ABLIM1: variants seen among roughly 807,000 people sequenced by gnomAD.
ABLIM1 encodes actin binding LIM protein 1, also known as actin-binding LIM protein 1.
A neutral mutation model predicts 107.0 loss-of-function variants in ABLIM1; 40 were observed. The observed-to-expected ratio is 0.37, with a 90% CI of 0.29 to 0.49. The LOEUF is 0.49. Ranked by LOEUF, ABLIM1 falls within the 20% of genes least tolerant of loss-of-function variation. ABLIM1 has a pLI of 0.97. For synonymous variants in ABLIM1, 357 were observed against 357.3 expected (o/e 1.00, Z 0.01); for missense variants, 857 against 1,008.5 (o/e 0.85, Z 2.04).
At chr10:114,556,751 C>T (rs1394762117) in intron 4 of ABLIM1, among the ~76,000 whole-genome samples, 2 of 152,058 alleles carry the variant, frequency 1.3e-5, no homozygotes, top group Non-Finnish European at 2.9e-5. Flanking sequence ...TCAATGTTGC[C>T]AGGTCCCAAA....
chr10:114,446,949 A>AT (rs2061107950), intron 15 of ABLIM1, among the ~76,000 whole-genome samples: 1 of 152,222 alleles, frequency 6.6e-6, no homozygotes, highest in East Asian at 1.9e-4. Flanking sequence ...TAGGAGGTAG[A>AT]TTTTTCCTTA....
chr10:114,693,988 G>A (rs2081143589), intron 1 of ABLIM1, among the ~76,000 whole-genome samples: 1 of 152,044 alleles, frequency 6.6e-6, no homozygotes, highest in Admixed American at 6.5e-5. Context: ...TAAAGTACTA[G>A]ACACAGAGGC....
intron 6 of ABLIM1, among the ~76,000 whole-genome samples, chr10:114,537,348 C>G (rs966132948): frequency 2.0e-4 from 30 of 152,184 alleles, no homozygotes; most frequent in Non-Finnish European, 3.8e-4. Flanking sequence ...GTCAGGGTAT[C>G]TGGAGTATTT....
intron 8 of ABLIM1, among the ~76,000 whole-genome samples, chr10:114,479,461 T>C (rs1416418429): frequency 6.6e-6 from 1 of 152,196 alleles, no homozygotes; most frequent in Admixed American, 6.5e-5. Context: ...AGCTGACAGA[T>C]AGCCTTCCCC....
At chr10:114,450,152 G>A in intron 14 of ABLIM1, 2 of 355,306 alleles carry the variant, frequency 5.6e-6, no homozygotes, top group Middle Eastern at 3.8e-4. Context: ...CATTAGAATT[G>A]GTGAAGTCAG....
chr10:114,468,209 C>A lies in ABLIM1; in HGVS notation c.1283G>T (p.Arg428Met). 6.2e-7 allele frequency: 1 copy of A among 1,612,798 alleles called. No homozygotes were observed. Among genetic ancestry groups the A allele is most frequent in the Non-Finnish European group, 8.5e-7 (1 of 1,178,804 alleles). ...QERQSLGESP[R>M]TLSPTPSAEG... The stretch of plus-strand genomic sequence containing the variant: ...TGCTGATGGAGTAGGAGACAAAGTC[C>A]TCGGAGACTAGAAAAATAAAAGAGA... The change falls in exon 11 of 23, where the codon AGG (arginine) becomes ATG (methionine). Residue 428 changes from arginine to methionine, a missense_variant. By Grantham distance (91) the Arg-to-Met change is moderately conservative (BLOSUM62 -1). Coordinates refer to ENST00000533213, the MANE Select transcript of ABLIM1 (RefSeq NM_002313.7).
intron 1 of ABLIM1, among the ~76,000 whole-genome samples, chr10:114,651,163 G>C (rs1006869677): frequency 2.0e-5 from 3 of 152,098 alleles, no homozygotes; most frequent in Non-Finnish European, 4.4e-5. Flanking sequence ...TGTATTCTTC[G>C]AACATAGTGA....
At chr10:114,643,919 C>T (rs764317251) in intron 1 of ABLIM1, among the ~76,000 whole-genome samples, 23 of 151,958 alleles carry the variant, frequency 1.5e-4, no homozygotes, top group Non-Finnish European at 2.4e-4. Flanking sequence ...GTTTCTAATT[C>T]ATTAACATTT....
At chr10:114,776,339 G>C in the ABLIM1 span, among the ~76,000 whole-genome samples, 1 of 152,184 alleles carries the variant, frequency 6.6e-6, no homozygotes, top group Non-Finnish European at 1.5e-5. Context: ...TTTGGGCCGG[G>C]CGTGGTGGCT....
At chr10:114,751,175 A>C (rs2082502409) in intron 1 of ABLIM1, among the ~76,000 whole-genome samples, 1 of 152,200 alleles carries the variant, frequency 6.6e-6, no homozygotes, top group Non-Finnish European at 1.5e-5. Flanking sequence ...AACATTGGGG[A>C]GTTGTTTGTA....
intron 6 of ABLIM1, among the ~76,000 whole-genome samples, chr10:114,522,302 C>T (rs2063865287): frequency 6.6e-6 from 1 of 152,126 alleles, no homozygotes; most frequent in Non-Finnish European, 1.5e-5. Context: ...CCTGGCAATC[C>T]ACCCCACCCC....
chr10:114,670,143 G>A (rs933608975), intron 1 of ABLIM1, among the ~76,000 whole-genome samples: 14 of 152,062 alleles, frequency 9.2e-5, no homozygotes, highest in African/African-American at 2.9e-4. Flanking sequence ...TGAAGAACGC[G>A]GGCCAAAGGA....
At chr10:114,669,131 G>A (rs2080146709) in intron 1 of ABLIM1, among the ~76,000 whole-genome samples, 2 of 152,156 alleles carry the variant, frequency 1.3e-5, no homozygotes. Context: ...TACTCAAATT[G>A]ATCCTGTGCA....
intron 1 of ABLIM1, among the ~76,000 whole-genome samples, chr10:114,709,502 T>C (rs1224558993): frequency 1.3e-5 from 2 of 152,194 alleles, no homozygotes; most frequent in East Asian, 3.8e-4. Context: ...CTATGTGAAA[T>C]GGAGATGATC....
At chr10:114,671,819 G>C (rs1388860558) in intron 1 of ABLIM1, among the ~76,000 whole-genome samples, 2 of 152,208 alleles carry the variant, frequency 1.3e-5, no homozygotes, top group African/African-American at 4.8e-5. Context: ...CCTATGTGAA[G>C]TATGGCTTAT....
At chr10:114,541,507 C>A (rs932711514) in intron 6 of ABLIM1, among the ~76,000 whole-genome samples, 3 of 152,036 alleles carry the variant, frequency 2.0e-5, no homozygotes, top group Non-Finnish European at 4.4e-5. Flanking sequence ...GGAGACCGTC[C>A]TGCTTTGTGT....
chr10:114,487,826 T>G (rs1055115627), intron 8 of ABLIM1, 132 bp downstream of exon 8: 1 of 1,145,792 alleles, frequency 8.7e-7, no homozygotes, highest in Non-Finnish European at 1.3e-6. Context: ...CAAATGGCCT[T>G]TGAACTTAGT....
At chr10:114,683,709 C>T (rs189238473) in intron 1 of ABLIM1, among the ~76,000 whole-genome samples, 3 of 152,260 alleles carry the variant, frequency 2.0e-5, no homozygotes, top group South Asian at 2.1e-4. Flanking sequence ...AATCAGCAAC[C>T]GATCGCCACA....
chr10:114,544,869 T>C (rs1465292099), intron 6 of ABLIM1, 136 bp downstream of exon 6: 16 of 775,018 alleles, frequency 2.1e-5, no homozygotes, highest in Admixed American at 1.2e-4. Flanking sequence ...TTCTTGAAAA[T>C]AGTCACCTGC....
Sources: allele counts gnomAD v4.1 joint callset (sites outside exome capture counted in the v4.1 genomes callset), GRCh38; gene constraint gnomAD v4.1.1; transcripts MANE v1.5; gene names NCBI Gene and HGNC (gene_info 2026-07-23, HGNC 2026-07-21).